Variants in DPP6 observed in about 807,000 individuals in gnomAD.
DPP6 encodes dipeptidyl peptidase like 6, also known as A-type potassium channel modulatory protein DPP6.
A neutral mutation model predicts 122.6 loss-of-function variants in DPP6; 69 were observed. That is an observed-to-expected ratio of 0.56 (90% CI 0.46 to 0.69). The LOEUF (loss-of-function observed/expected upper bound fraction) is 0.69. Among genes scored for constraint, DPP6 ranks in the 30% least tolerant of loss-of-function variants. The pLI is 0.00. For missense variants in DPP6, 928 were observed against 1,116.9 expected, an observed-to-expected ratio of 0.83 and a Z score of 2.41; for synonymous variants, 418 against 433.1, an observed-to-expected ratio of 0.97 and a Z score of 0.43.
chr7:154,515,322 A>G (rs147279133), intron 3 of DPP6, among the ~76,000 whole-genome samples: 22 of 152,296 alleles, frequency 1.4e-4, no homozygotes, highest in African/African-American at 4.6e-4. Context: ...TTCCTTCCTC[A>G]TGGAATAATT....
chr7:154,593,708 T>C (rs1832932749), intron 5 of DPP6, among the ~76,000 whole-genome samples: 1 of 152,140 alleles, frequency 6.6e-6, no homozygotes, highest in African/African-American at 2.4e-5. Context: ...GCACCTGAGG[T>C]GTCAGTCTCC....
intron 1 of DPP6, among the ~76,000 whole-genome samples, chr7:153,893,545 T>C (rs1162008283): frequency 6.6e-6 from 1 of 152,246 alleles, no homozygotes; most frequent in Non-Finnish European, 1.5e-5. Context: ...TAAGAACTCC[T>C]TCAAGTCCTA....
At chr7:153,853,641 TAGAC>T in the DPP6 span, among the ~76,000 whole-genome samples, 1 of 152,128 alleles carries the variant, frequency 6.6e-6, no homozygotes, top group Non-Finnish European at 1.5e-5. Context: ...ACAGTGCTGA[TAGAC>T]AGAGTGAAAG....
At chr7:154,853,521 G>A (rs1423789419) in intron 16 of DPP6, among the ~76,000 whole-genome samples, 4 of 152,170 alleles carry the variant, frequency 2.6e-5, no homozygotes, top group Admixed American at 2.6e-4. Flanking sequence ...ATGTTTTATG[G>A]CATTACAATA....
intron 1 of DPP6, among the ~76,000 whole-genome samples, chr7:154,351,607 C>G (rs889620803): frequency 1.3e-5 from 2 of 152,170 alleles, no homozygotes; most frequent in African/African-American, 4.8e-5. Flanking sequence ...GCAGGGTGTA[C>G]CCTGTGCCAG....
intron 1 of DPP6, among the ~76,000 whole-genome samples, chr7:154,106,944 G>A (rs923966616): frequency 4.6e-5 from 7 of 152,120 alleles, no homozygotes; most frequent in Non-Finnish European, 1.0e-4. Context: ...AAGTGTTGGC[G>A]AGGATATGGA....
chr7:154,411,131 T>G (rs576278694), intron 1 of DPP6, among the ~76,000 whole-genome samples: 1 of 152,354 alleles, frequency 6.6e-6, no homozygotes, highest in South Asian at 2.1e-4. Context: ...AAAAGACTCT[T>G]TAATGTTTAG....
At chr7:154,214,428 C>T (rs968907226) in intron 1 of DPP6, among the ~76,000 whole-genome samples, 14 of 152,174 alleles carry the variant, frequency 9.2e-5, no homozygotes, top group African/African-American at 3.4e-4. Context: ...ATCACAGGTG[C>T]TGTGTTAACT....
chr7:153,886,600 C>T (rs1417054727), upstream of DPP6, among the ~76,000 whole-genome samples: 1 of 152,178 alleles, frequency 6.6e-6, no homozygotes, highest in Non-Finnish European at 1.5e-5. Context: ...GCGGGGAGAG[C>T]GGCCCCTGCC....
intron 1 of DPP6, among the ~76,000 whole-genome samples, chr7:153,898,433 C>T (rs1488304135): frequency 6.6e-6 from 1 of 152,044 alleles, no homozygotes; most frequent in African/African-American, 2.4e-5. Flanking sequence ...GCCTGGGTGA[C>T]AGAGTGAGAC....
At chr7:154,350,221 G>A (rs1020433143) in intron 1 of DPP6, among the ~76,000 whole-genome samples, 1 of 152,186 alleles carries the variant, frequency 6.6e-6, no homozygotes, top group Non-Finnish European at 1.5e-5. Flanking sequence ...TTTTAGGAAG[G>A]GGAGAAGGAA....
At chr7:154,041,508 T>C (rs1799763931) in intron 1 of DPP6, among the ~76,000 whole-genome samples, 1 of 152,202 alleles carries the variant, frequency 6.6e-6, no homozygotes, top group African/African-American at 2.4e-5. Context: ...GCTTATGCCA[T>C]AGATGAGCGT....
intron 3 of DPP6, among the ~76,000 whole-genome samples, chr7:154,519,743 G>A (rs529246200): frequency 6.6e-6 from 1 of 152,266 alleles, no homozygotes; most frequent in South Asian, 2.1e-4. Flanking sequence ...CAAGAGTTGT[G>A]TATAGACAAG....
At chr7:153,973,501 T>C (rs1044035263) in intron 1 of DPP6, among the ~76,000 whole-genome samples, 1 of 152,170 alleles carries the variant, frequency 6.6e-6, no homozygotes, top group Non-Finnish European at 1.5e-5. Context: ...ATCCATTTTC[T>C]TTTTCCTATT....
At chr7:154,116,389 T>C (rs1290184377) in intron 1 of DPP6, among the ~76,000 whole-genome samples, 1 of 152,220 alleles carries the variant, frequency 6.6e-6, no homozygotes, top group Non-Finnish European at 1.5e-5. Flanking sequence ...CACCCCTTGC[T>C]CAAGGAAAGG....
chr7:154,577,783 G>A (rs1042065298), intron 5 of DPP6, among the ~76,000 whole-genome samples: 13 of 152,312 alleles, frequency 8.5e-5, no homozygotes, highest in South Asian at 2.1e-4. Flanking sequence ...CTTCAATTCC[G>A]ACGTAGCTGG....
At position 154,567,150 on chromosome 7, in the gene DPP6, C is replaced by T. The variant is rs76137139; in HGVS notation, c.627+234C>T. On this transcript the variant is annotated intron_variant, in intron 5 of 25. Transcript: ENST00000377770. ...TTTAGAGGCTCTTTCATAGACTTTTCTTAGGAGGATGGTAAGAACTTGTCT... is the reference window on the plus strand; with the variant it reads ...TTTAGAGGCTCTTTCATAGACTTTTTTTAGGAGGATGGTAAGAACTTGTCT... Among the ~76,000 whole-genome samples the T allele has an allele frequency of 6.8e-3, 1,033 of 152,240 alleles. 13 individuals carry two copies. Among genetic ancestry groups the T allele is most frequent in the African/African-American group, 0.022 (905 of 41,532 alleles).
chr7:154,095,851 G>A (rs1805284780), intron 1 of DPP6: 1 of 135,580 alleles, frequency 7.4e-6, no homozygotes, highest in South Asian at 2.5e-4. Context: ...ACAGCGTCCT[G>A]GAGGAGAGCT....
intron 1 of DPP6, among the ~76,000 whole-genome samples, chr7:154,252,389 G>C (rs1802408599): frequency 6.6e-6 from 1 of 152,224 alleles, no homozygotes; most frequent in South Asian, 2.1e-4. Context: ...GAGGGCATTT[G>C]GTCACTCACC....
Sources: allele counts gnomAD v4.1 joint callset (sites outside exome capture counted in the v4.1 genomes callset), GRCh38; gene constraint gnomAD v4.1.1; transcripts MANE v1.5; gene names NCBI Gene and HGNC (gene_info 2026-07-23, HGNC 2026-07-21).